XXYLT1: variants seen among roughly 807,000 people sequenced by gnomAD.
XXYLT1 encodes the protein xyloside xylosyltransferase 1.
A neutral mutation model predicts 28.9 loss-of-function variants in XXYLT1; 20 were observed. The ratio of observed to expected loss-of-function variants is 0.69; its 90% CI spans 0.49 to 1.00. The LOEUF is 1.00. Among genes scored for constraint, XXYLT1 ranks in the 50% least tolerant of loss-of-function variants. The pLI, the probability that XXYLT1 is intolerant of heterozygous loss-of-function variation, is 0.00. For synonymous variants in XXYLT1, 257 were observed against 253.8 expected, an observed-to-expected ratio of 1.01 and a Z score of -0.12; for missense variants, 542 against 560.1, an observed-to-expected ratio of 0.97 and a Z score of 0.33.
chr3:195,207,380 G>A, intron 2 of XXYLT1: 1 of 441,028 alleles, frequency 2.3e-6, no homozygotes, highest in South Asian at 1.6e-5. Context: ...CAGAGGGTTT[G>A]GAGGTTCTCA....
intron 3 of XXYLT1, among the ~76,000 whole-genome samples, chr3:195,128,431 A>G (rs982209273): frequency 2.6e-5 from 4 of 152,188 alleles, no homozygotes; most frequent in Admixed American, 1.3e-4. Flanking sequence ...CATGCAACCA[A>G]TGTCAACATC....
intron 3 of XXYLT1, among the ~76,000 whole-genome samples, chr3:195,073,481 T>TCC (rs1218278655): frequency 3.9e-5 from 6 of 151,900 alleles, no homozygotes; most frequent in African/African-American, 1.5e-4. Context: ...GACTAACCCC[T>TCC]CCCCCCCTCA....
intron 3 of XXYLT1, among the ~76,000 whole-genome samples, chr3:195,102,682 G>A (rs992855106): frequency 2.0e-5 from 3 of 151,578 alleles, no homozygotes; most frequent in African/African-American, 7.3e-5. Context: ...TGTGTGTCTT[G>A]TATGTTACAA....
chr3:195,207,418 T>C (rs1723120273), intron 2 of XXYLT1: 1 of 455,424 alleles, frequency 2.2e-6, no homozygotes, highest in East Asian at 7.0e-5. Flanking sequence ...GACTTTATTC[T>C]ACTCACCTTG....
rs991849541 is a variant in XXYLT1, at chr3:195,244,856, A to C, written c.505-18000T>G. 4.1e-5 allele frequency among the ~76,000 whole-genome samples: 6 copies of C among 146,736 alleles called. No individual in the cohort carries two copies. The East Asian group carries it at 1.0e-3, about 26-fold the overall frequency. On this transcript the variant is annotated intron_variant, in intron 1 of 3. Transcript: ENST00000310380. ...ACAACATGAGACTCTGTCTCAAAAA[A>C]AAAAAAAACAAAAAAAAACCCACTC...
intron 3 of XXYLT1, among the ~76,000 whole-genome samples, chr3:195,140,026 T>C (rs567950733): frequency 1.6e-4 from 25 of 152,314 alleles, no homozygotes; most frequent in African/African-American, 6.0e-4. Context: ...CTGGAGTACA[T>C]GAACACAGGT....
At chr3:195,141,786 A>G (rs1390879235) in intron 3 of XXYLT1, among the ~76,000 whole-genome samples, 1 of 152,136 alleles carries the variant, frequency 6.6e-6, no homozygotes, top group African/African-American at 2.4e-5. Context: ...GTGTAAAGGT[A>G]CCCCTCACAC....
intron 1 of XXYLT1, among the ~76,000 whole-genome samples, chr3:195,233,166 A>G (rs1285041674): frequency 6.6e-6 from 1 of 152,118 alleles, no homozygotes; most frequent in East Asian, 1.9e-4. Flanking sequence ...AAATCGATTT[A>G]TCTGATATAA....
At chr3:195,125,845 C>T (rs1280418810) in intron 3 of XXYLT1, among the ~76,000 whole-genome samples, 2 of 152,174 alleles carry the variant, frequency 1.3e-5, no homozygotes, top group Non-Finnish European at 2.9e-5. Flanking sequence ...TAGGCAGTCA[C>T]AGCCGCTCCA....
At chr3:195,194,812 G>C (rs1722559336) in intron 2 of XXYLT1, among the ~76,000 whole-genome samples, 1 of 152,180 alleles carries the variant, frequency 6.6e-6, no homozygotes, top group South Asian at 2.1e-4. Context: ...AGGTGGAAAA[G>C]ATTACATATT....
intron 1 of XXYLT1, among the ~76,000 whole-genome samples, chr3:195,243,291 A>G (rs1339368967): frequency 6.6e-6 from 1 of 151,946 alleles, no homozygotes; most frequent in Non-Finnish European, 1.5e-5. Flanking sequence ...GCACACCATC[A>G]TGGCACATGT....
At chr3:195,188,057 A>G (rs1722276600) in intron 2 of XXYLT1, among the ~76,000 whole-genome samples, 1 of 152,236 alleles carries the variant, frequency 6.6e-6, no homozygotes, top group African/African-American at 2.4e-5. Flanking sequence ...TTTAGATGTG[A>G]GAGTAAACAT....
rs1428477421 is a variant in XXYLT1 at position 195,211,103 on chromosome 3, G to A, written c.652+15606C>T. On this transcript the variant is annotated intron_variant, in intron 2 of 3. Coordinates refer to ENST00000310380, the MANE Select transcript of XXYLT1 (RefSeq NM_152531.5). ...TTCTCCAGTGGGGTTCAGAAAAAGG[G>A]CAAAGGCAGGCCGGGCATGGTAGCT... Among the ~76,000 whole-genome samples, 9 of 152,202 alleles carry A rather than the reference G, an allele frequency of 5.9e-5. 1 individual carries two copies. Among genetic ancestry groups the A allele is most frequent in the Non-Finnish European group, 1.3e-4 (9 of 68,022 alleles).
intron 2 of XXYLT1, among the ~76,000 whole-genome samples, chr3:195,163,793 C>A (rs1720985844): frequency 1.3e-5 from 2 of 152,248 alleles, no homozygotes; most frequent in African/African-American, 4.8e-5. Flanking sequence ...TTCTCCTTTG[C>A]TATCCTAGAT....
At chr3:195,246,624 C>T (rs1047719089) in intron 1 of XXYLT1, among the ~76,000 whole-genome samples, 1 of 152,104 alleles carries the variant, frequency 6.6e-6, no homozygotes, top group Non-Finnish European at 1.5e-5. Flanking sequence ...GGGTGAGCCC[C>T]GGACACTCCT....
chr3:195,156,689 T>G lies in XXYLT1; in HGVS notation c.653-108A>C, dbSNP rs1577090039. 1.6e-5 allele frequency: 23 copies of G among 1,397,724 alleles called. No individual in the cohort carries two copies. In the East Asian group the frequency reaches 5.3e-4, roughly 32 times the overall value. 86.6% of individuals were successfully genotyped at this position (1,397,724 alleles called of 1,614,324 possible). The stretch of plus-strand genomic sequence containing the variant: ...AGAGAAAAGGGCACTGGACTCTTAC[T>G]GTTGTCAGTGAATGATGCACAGTTA... On this transcript the variant is annotated intron_variant, in intron 2 of 3. Transcript: ENST00000310380.
intron 3 of XXYLT1, among the ~76,000 whole-genome samples, chr3:195,134,900 G>A (rs928920900): frequency 6.6e-6 from 1 of 151,458 alleles, no homozygotes; most frequent in Admixed American, 6.6e-5. Flanking sequence ...CGTGCAAAGA[G>A]CTATCAGCTA....
Position 195,121,838 on chromosome 3 carries a change from G to A in XXYLT1, c.785+34611C>T, listed in dbSNP as rs535544100. ...GTGGCTACCCCTCTCTAGGCCTCAG[G>A]ATCCCCATCTATAATACTGGGTGCT... On this transcript the variant is annotated intron_variant, in intron 3 of 3. Coordinates refer to ENST00000310380, the MANE Select transcript of XXYLT1 (RefSeq NM_152531.5). Among the ~76,000 whole-genome samples the A allele has an allele frequency of 9.2e-4, 140 of 152,274 alleles. 1 individual carries two copies. The highest frequency in any genetic ancestry group is 1.6e-3 in the Non-Finnish European group (109 of 68,030).
chr3:195,233,979 C>T (rs970884056), intron 1 of XXYLT1, among the ~76,000 whole-genome samples: 13 of 152,142 alleles, frequency 8.5e-5, no homozygotes, highest in South Asian at 6.2e-4. Flanking sequence ...TGCAGTGGTG[C>T]GATCTCGGGT....
Sources: gnomAD v4.1 joint callset for allele counts (sites outside exome capture counted in the v4.1 genomes callset) on GRCh38, gnomAD v4.1.1 for gene constraint, MANE v1.5 for transcripts, NCBI Gene and HGNC (gene_info 2026-07-23, HGNC 2026-07-21) for gene names.